CDK14: variants seen among roughly 807,000 people sequenced by gnomAD.
The protein encoded by CDK14 is cyclin dependent kinase 14.
Under a neutral mutation model 60.7 loss-of-function variants are expected in CDK14, and 34 were observed. The observed-to-expected ratio is 0.56, with a 90% CI of 0.43 to 0.75. The LOEUF (loss-of-function observed/expected upper bound fraction) is 0.75, where lower values mean the gene tolerates loss of function less well. Among genes scored for constraint, CDK14 ranks in the 30% least tolerant of loss-of-function variants. CDK14 has a pLI of 0.00. For synonymous variants in CDK14, 197 were observed against 203.7 expected (o/e 0.97, Z 0.28); for missense variants, 482 against 564.1 (o/e 0.85, Z 1.47).
intron 5 of CDK14, among the ~76,000 whole-genome samples, chr7:90,846,562 T>G (rs1257690977): frequency 6.6e-6 from 1 of 152,078 alleles, no homozygotes; most frequent in Non-Finnish European, 1.5e-5. Flanking sequence ...GATTCTAAAA[T>G]GGGAAAAACA....
intron 10 of CDK14, among the ~76,000 whole-genome samples, chr7:90,988,304 C>T (rs1411482581): frequency 6.6e-6 from 1 of 152,036 alleles, no homozygotes; most frequent in Non-Finnish European, 1.5e-5. Context: ...AAATCATTTT[C>T]CTTGACATTG....
intron 5 of CDK14, among the ~76,000 whole-genome samples, chr7:90,841,151 A>G (rs542240100): frequency 9.8e-5 from 15 of 152,310 alleles, no homozygotes; most frequent in African/African-American, 2.9e-4. Context: ...CAGGGTAAAA[A>G]AAAGTTTTCC....
At position 90,740,268 on chromosome 7, in the gene CDK14, TATAG is replaced by T. The variant is rs1248279290; in HGVS notation, c.370-7411_370-7408del. Among the ~76,000 whole-genome samples, 833 of 143,124 alleles carry T rather than the reference TATAG, an allele frequency of 5.8e-3. 3 individuals are homozygous for T. Among genetic ancestry groups the T allele is most frequent in the Non-Finnish European group, 9.5e-3 (623 of 65,572 alleles). 93.9% of individuals were successfully genotyped at this position (143,124 alleles called of 152,430 possible). A position where few individuals can be genotyped will look rare whatever the true frequency, so the allele number is the denominator to read the frequency against. On this transcript the variant is annotated intron_variant, in intron 3 of 14. Transcript: ENST00000380050. Reference sequence around the variant, plus strand: ...ATGTGTGTGTGTATATATATATATATATAGAGAGAGAGAGAGAGAGAGAAAGAAA... The same window carrying T: ...ATGTGTGTGTGTATATATATATATATAGAGAGAGAGAGAGAGAGAAAGAAA...
intron 2 of CDK14, among the ~76,000 whole-genome samples, chr7:90,626,710 TG>T (rs1799883722): frequency 6.6e-6 from 1 of 152,060 alleles, no homozygotes; most frequent in Non-Finnish European, 1.5e-5. Flanking sequence ...GAGGCTAAGG[TG>T]GGAGGATGGC....
chr7:90,722,100 T>C (rs142057552), intron 2 of CDK14, among the ~76,000 whole-genome samples: 2,310 of 151,518 alleles, frequency 0.015, 21 homozygotes, highest in Middle Eastern at 0.027. Context: ...TACCCTCCCC[T>C]TTTCTCCCCT....
intron 10 of CDK14, among the ~76,000 whole-genome samples, chr7:91,009,155 A>G (rs892166471): frequency 6.6e-6 from 1 of 152,144 alleles, no homozygotes; most frequent in Non-Finnish European, 1.5e-5. Context: ...TTTAGTGAGC[A>G]TAACTATTTT....
intron 4 of CDK14, among the ~76,000 whole-genome samples, chr7:90,780,405 T>A (rs1008512440): frequency 1.3e-5 from 2 of 151,508 alleles, no homozygotes; most frequent in African/African-American, 4.8e-5. Flanking sequence ...TAAATTTATT[T>A]ATTTATTTTT....
intron 2 of CDK14, among the ~76,000 whole-genome samples, chr7:90,711,715 C>G (rs918092519): frequency 5.9e-5 from 9 of 151,934 alleles, no homozygotes; most frequent in Admixed American, 2.0e-4. Flanking sequence ...TAGTATTTTC[C>G]CCTGGAATAC....
chr7:91,059,853 G>T (rs1797720384), intron 11 of CDK14, among the ~76,000 whole-genome samples: 1 of 152,232 alleles, frequency 6.6e-6, no homozygotes. Context: ...AATAGGTGTG[G>T]TGTGGTGCTG....
chr7:91,021,031 C>G (rs77207735), intron 10 of CDK14, among the ~76,000 whole-genome samples: 6,342 of 152,202 alleles, frequency 0.042, 432 homozygotes, highest in African/African-American at 0.14. Flanking sequence ...ACATGATTCC[C>G]TAGAAGGCTT....
chr7:90,661,680 G>A (rs576906329), intron 2 of CDK14, among the ~76,000 whole-genome samples: 30 of 152,232 alleles, frequency 2.0e-4, no homozygotes, highest in African/African-American at 7.2e-4. Context: ...TCTAATCCTT[G>A]TGTGCTGGGA....
chr7:90,688,742 G>T (rs10272327), intron 2 of CDK14, among the ~76,000 whole-genome samples: 88,175 of 151,968 alleles, frequency 0.58, 25,807 homozygotes, highest in East Asian at 0.77. Context: ...ATTTCTGATA[G>T]AGCAGGCACT....
chr7:91,187,637 T>G (rs547991543), intron 14 of CDK14, among the ~76,000 whole-genome samples: 1 of 152,202 alleles, frequency 6.6e-6, no homozygotes, highest in East Asian at 1.9e-4. Flanking sequence ...AGTGGAGGTT[T>G]AATAGGCAAA....
At chr7:90,857,570 A>G (rs1013830363) in intron 5 of CDK14, among the ~76,000 whole-genome samples, 1 of 152,252 alleles carries the variant, frequency 6.6e-6, no homozygotes, top group Non-Finnish European at 1.5e-5. Flanking sequence ...CCTAAAATTT[A>G]TGATGAAACC....
chr7:91,204,367 C>A (rs1802817219), intron 14 of CDK14, among the ~76,000 whole-genome samples: 2 of 151,424 alleles, frequency 1.3e-5, no homozygotes, highest in Non-Finnish European at 1.5e-5. Context: ...TTAGATTTCA[C>A]AATGGATTTT....
intron 3 of CDK14, among the ~76,000 whole-genome samples, chr7:90,744,090 T>C (rs1803467420): frequency 6.6e-6 from 1 of 152,086 alleles, no homozygotes; most frequent in Admixed American, 6.6e-5. Flanking sequence ...AGGACAATAG[T>C]GGATGGAAGG....
At chr7:90,810,867 T>G (rs1789071585) in intron 5 of CDK14, among the ~76,000 whole-genome samples, 1 of 151,948 alleles carries the variant, frequency 6.6e-6, no homozygotes, top group South Asian at 2.1e-4. Context: ...CCATTCACAA[T>G]TGCTTCAAAG....
intron 10 of CDK14, among the ~76,000 whole-genome samples, chr7:91,035,561 C>T (rs914721882): frequency 6.7e-6 from 1 of 149,642 alleles, no homozygotes; most frequent in African/African-American, 2.5e-5. Flanking sequence ...GGACATGGGG[C>T]ACACCCCTCC....
chr7:90,752,321 C>G (rs1803878879), intron 4 of CDK14, among the ~76,000 whole-genome samples: 1 of 152,046 alleles, frequency 6.6e-6, no homozygotes, highest in Admixed American at 6.6e-5. Context: ...CATCCATACT[C>G]TTAGACCACA....
Sources: gnomAD v4.1 joint callset for allele counts (sites outside exome capture counted in the v4.1 genomes callset) on GRCh38, gnomAD v4.1.1 for gene constraint, MANE v1.5 for transcripts, NCBI Gene and HGNC (gene_info 2026-07-23, HGNC 2026-07-21) for gene names.